The following PCDHA8 variants were observed in gnomAD, a reference collection of about 807,000 sequenced individuals.
The protein encoded by PCDHA8 is protocadherin alpha 8.
In PCDHA8, 53 loss-of-function variants were observed where a neutral mutation model predicts 61.8. The observed-to-expected ratio is 0.86, with a 90% CI of 0.69 to 1.08. The LOEUF is 1.08. Ranked by LOEUF, PCDHA8 falls within the 50% of genes least tolerant of loss-of-function variation. The pLI, the probability that PCDHA8 is intolerant of heterozygous loss-of-function variation, is 0.00. For missense variants in PCDHA8, 1,293 were observed against 1,245.0 expected (o/e 1.04, Z -0.58); for synonymous variants, 618 against 556.6 (o/e 1.11, Z -1.55).
At chr5:140,941,210 TCTTC>T (rs1480454721) in intron 1 of PCDHA8, among the ~76,000 whole-genome samples, 2,917 of 100,514 alleles carry the variant, frequency 0.029, 68 homozygotes, top group South Asian at 0.045. Flanking sequence ...TTCCTTTCTT[TCTTC>T]CTTTCTTTCT....
At chr5:140,848,633 C>A in intron 1 of PCDHA8, 1 of 1,593,314 alleles carries the variant, frequency 6.3e-7, no homozygotes, top group Non-Finnish European at 8.6e-7. Flanking sequence ...CCTTCGTGGG[C>A]CGCATCGCGC....
At chr5:140,997,668 T>TTA (rs2097778675) in intron 3 of PCDHA8, among the ~76,000 whole-genome samples, 1 of 148,244 alleles carries the variant, frequency 6.7e-6, no homozygotes, top group African/African-American at 2.5e-5. Flanking sequence ...ATTATACAGC[T>TTA]TGTGTGTGTG....
At chr5:140,993,462 T>TCACACACA (rs3836747) in intron 3 of PCDHA8, among the ~76,000 whole-genome samples, 2,160 of 141,010 alleles carry the variant, frequency 0.015, 29 homozygotes, top group Admixed American at 0.024. Flanking sequence ...TCTTTCTTTC[T>TCACACACA]CACACACACA....
chr5:140,876,657 C>T (rs782518264), intron 1 of PCDHA8: 3 of 1,614,228 alleles, frequency 1.9e-6, no homozygotes, highest in East Asian at 4.5e-5. Flanking sequence ...ATGTTCCCTT[C>T]AAGCTGGTGT....
intron 1 of PCDHA8, among the ~76,000 whole-genome samples, chr5:140,905,962 G>A (rs2072248192): frequency 6.6e-6 from 1 of 152,198 alleles, no homozygotes; most frequent in Non-Finnish European, 1.5e-5. Flanking sequence ...TTCAAGGGGA[G>A]GAAGATCCAG....
chr5:140,905,342 TGTAA>T (rs2071759657), intron 1 of PCDHA8, among the ~76,000 whole-genome samples: 1 of 152,234 alleles, frequency 6.6e-6, no homozygotes, highest in Non-Finnish European at 1.5e-5. Context: ...ATCAGTTGGC[TGTAA>T]GTATTTGACT....
At chr5:140,928,669 A>C in intron 1 of PCDHA8, 1 of 1,614,160 alleles carries the variant, frequency 6.2e-7, no homozygotes, top group Non-Finnish European at 8.5e-7. Flanking sequence ...CAGTGGTTCT[A>C]ATGCCTGGCT....
rs192086826 is a variant in PCDHA8, at chr5:140,981,520, G to C, written c.2454-955G>C. ...ACCTGGGAGGCAGAGGTTGCAGTGA[G>C]CTGAGATCGTGCCACTGTACTCCAG... On this transcript the variant is annotated intron_variant, in intron 2 of 3. Coordinates refer to ENST00000531613, the MANE Select transcript of PCDHA8 (RefSeq NM_018911.3). Among the ~76,000 whole-genome samples the C allele has an allele frequency of 3.3e-5, 5 of 152,342 alleles. No homozygotes were observed. The East Asian group carries it at 9.6e-4, about 29-fold the overall frequency.
chr5:140,958,197 A>G (rs896064147), intron 1 of PCDHA8, among the ~76,000 whole-genome samples: 7 of 152,140 alleles, frequency 4.6e-5, no homozygotes, highest in Non-Finnish European at 1.0e-4. Context: ...CTGGTCTAGT[A>G]TACAAGGGAA....
At chr5:140,998,720 A>G (rs1554256437) in intron 3 of PCDHA8, among the ~76,000 whole-genome samples, 1 of 152,092 alleles carries the variant, frequency 6.6e-6, no homozygotes, top group African/African-American at 2.4e-5. Context: ...TTGCACCACC[A>G]CGCTAGGCTA....
Position 140,845,928 on chromosome 5 carries a change from A to G in PCDHA8, c.2394+2213A>G, listed in dbSNP as rs1394601950. On this transcript the variant is annotated intron_variant, in intron 1 of 3. Coordinates refer to ENST00000531613, the MANE Select transcript of PCDHA8 (RefSeq NM_018911.3). ...CATATTAATCTTATTTTTGTGTAAA[A>G]CTATCTTCTGTAAAGTCATTTTTTA... Among the ~76,000 whole-genome samples the G allele has an allele frequency of 1.3e-5, 2 of 149,652 alleles. 1 individual carries two copies. The highest frequency in any genetic ancestry group is 1.3e-4 in the Admixed American group (2 of 14,942).
chr5:140,850,423 C>T (rs782005281), intron 1 of PCDHA8: 4 of 1,597,882 alleles, frequency 2.5e-6, no homozygotes, highest in South Asian at 1.1e-5. Context: ...ACGGACGCAC[C>T]GCGCCAGCGC....
intron 1 of PCDHA8, chr5:140,968,903 A>G: frequency 6.2e-7 from 1 of 1,614,216 alleles, no homozygotes; most frequent in Non-Finnish European, 8.5e-7. Context: ...AATAGCATTA[A>G]GCACAGTGTC....
chr5:140,986,308 A>G (rs1399323765), intron 3 of PCDHA8, among the ~76,000 whole-genome samples: 1 of 152,162 alleles, frequency 6.6e-6, no homozygotes, highest in African/African-American at 2.4e-5. Context: ...AGAGAAAATT[A>G]GCTAAATCAG....
intron 1 of PCDHA8, chr5:140,877,042 G>C: frequency 6.2e-7 from 1 of 1,612,636 alleles, no homozygotes; most frequent in Non-Finnish European, 8.5e-7. Context: ...GCAGCCGCTA[G>C]ACCACGAGGA....
chr5:140,979,125 C>T (rs782380399), intron 2 of PCDHA8, 118 bp downstream of exon 2: 4 of 1,479,726 alleles, frequency 2.7e-6, no homozygotes, highest in African/African-American at 2.8e-5. Context: ...GGTACTTTGC[C>T]AGGAAAATGC....
At chr5:140,932,059 AT>A (rs2087988463) in intron 1 of PCDHA8, among the ~76,000 whole-genome samples, 1 of 151,936 alleles carries the variant, frequency 6.6e-6, no homozygotes, top group Non-Finnish European at 1.5e-5. Context: ...AATACTAAAA[AT>A]TATCAGTTTA....
chr5:140,989,563 C>A (rs1399360475), intron 3 of PCDHA8, among the ~76,000 whole-genome samples: 1 of 152,118 alleles, frequency 6.6e-6, no homozygotes, highest in Non-Finnish European at 1.5e-5. Flanking sequence ...TTTTGTGGCT[C>A]CGGCAAGCCC....
chr5:140,945,807 C>G (rs1408404648), intron 1 of PCDHA8, among the ~76,000 whole-genome samples: 1 of 152,120 alleles, frequency 6.6e-6, no homozygotes, highest in African/African-American at 2.4e-5. Context: ...AGACCCTTAT[C>G]TCACACTGTA....
Sources: allele counts gnomAD v4.1 joint callset (sites outside exome capture counted in the v4.1 genomes callset), GRCh38; gene constraint gnomAD v4.1.1; transcripts MANE v1.5; gene names NCBI Gene and HGNC (gene_info 2026-07-23, HGNC 2026-07-21).